Variants in DYNC2LI1 observed in about 807,000 individuals in gnomAD.
DYNC2LI1 encodes cytoplasmic dynein 2 light intermediate chain 1.
In DYNC2LI1, 45 loss-of-function variants were observed where a neutral mutation model predicts 51.9. The ratio of observed to expected loss-of-function variants is 0.87; its 90% confidence interval spans 0.68 to 1.11. DYNC2LI1 has a LOEUF of 1.11. Among genes scored for constraint, DYNC2LI1 ranks in the 50% most tolerant of loss-of-function variants. DYNC2LI1 has a pLI of 0.00. For missense variants in DYNC2LI1, 490 were observed against 417.4 expected (o/e 1.17, Z -1.51); for synonymous variants, 130 against 137.8 (o/e 0.94, Z 0.40).
At chr2:43,828,042 C>T in the DYNC2LI1 span, 3 of 1,613,982 alleles carry the variant, frequency 1.9e-6, no homozygotes, top group Non-Finnish European at 1.7e-6. Flanking sequence ...CGTGGAAATG[C>T]CCCCCAAGCT....
At chr2:43,814,560 T>G (rs892694209), downstream of DYNC2LI1, 28 of 1,605,272 alleles carry the variant, frequency 1.7e-5, no homozygotes, top group Non-Finnish European at 2.4e-5. Context: ...ACTGATGATT[T>G]TAAAAGGAAT....
chr2:43,811,733 T>G (rs1666488716), downstream of DYNC2LI1, among the ~76,000 whole-genome samples: 1 of 152,048 alleles, frequency 6.6e-6, no homozygotes, highest in Non-Finnish European at 1.5e-5. Flanking sequence ...TAGCTGGGAC[T>G]ACAGGCGCCT....
chr2:43,813,991 C>T (rs1558716494), downstream of DYNC2LI1, among the ~76,000 whole-genome samples: 1 of 152,112 alleles, frequency 6.6e-6, no homozygotes, highest in Non-Finnish European at 1.5e-5. Context: ...GCTGGGATTA[C>T]AGGCGTGAGC....
At chr2:43,799,434 C>T (rs1666001372) in intron 8 of DYNC2LI1, among the ~76,000 whole-genome samples, 1 of 152,162 alleles carries the variant, frequency 6.6e-6, no homozygotes, top group East Asian at 1.9e-4. Context: ...AGAATATCAC[C>T]TAAAATGTGA....
At chr2:43,822,478 G>GCTCC in the DYNC2LI1 span, 1 of 432,260 alleles carries the variant, frequency 2.3e-6, no homozygotes, top group African/African-American at 2.2e-5. Context: ...CCTCCCCCAG[G>GCTCC]CCCCCCCCCA....
Position 43,804,753 on chromosome 2 carries a change from A to AT in DYNC2LI1, c.900+21dup. ...TTTCCACCAAAGGTACATATTTCTA[A>AT]TTTTTTTAAAAGCAAGACTTTTAGC... is the stretch of plus-strand genomic sequence containing the variant. On this transcript the variant is annotated intron_variant, in intron 11 of 12. Transcript: ENST00000260605. 2 of 1,563,544 alleles carry AT rather than the reference A, an allele frequency of 1.3e-6. No individual in the cohort carries two copies. The highest frequency in any genetic ancestry group is 1.7e-6 in the Non-Finnish European group (2 of 1,149,476).
At chr2:43,822,470 TCCCCCAG>T in the DYNC2LI1 span, 14 of 354,556 alleles carry the variant, frequency 3.9e-5, no homozygotes, top group South Asian at 1.4e-4. Flanking sequence ...CTTTCTCCCC[TCCCCCAG>T]GCCCCCCCCC....
At chr2:43,817,728 G>A in the DYNC2LI1 span, among the ~76,000 whole-genome samples, 2,360 of 152,108 alleles carry the variant, frequency 0.016, 62 homozygotes, top group African/African-American at 0.053. Context: ...TGGCCAAAAT[G>A]GTGAAACCAC....
chr2:43,825,162 A>T, the DYNC2LI1 span: 2 of 991,136 alleles, frequency 2.0e-6, no homozygotes, highest in South Asian at 2.8e-5. Flanking sequence ...TCCCATAAGC[A>T]GTCAGTCCTT....
intron 9 of DYNC2LI1, 37 bp from the exon 10 acceptor site, chr2:43,801,602 G>A: frequency 6.5e-7 from 1 of 1,529,846 alleles, no homozygotes; most frequent in Non-Finnish European, 9.0e-7. Flanking sequence ...AAATCTAATT[G>A]CTAAACTAAT....
At chr2:43,811,792 C>T (rs1666490636), downstream of DYNC2LI1, among the ~76,000 whole-genome samples, 2 of 152,238 alleles carry the variant, frequency 1.3e-5, no homozygotes, top group East Asian at 3.9e-4. Context: ...GACGGGGTTT[C>T]ACCATGTTGG....
chr2:43,777,157 G>A (rs1212083675), intron 2 of DYNC2LI1, among the ~76,000 whole-genome samples: 2 of 152,098 alleles, frequency 1.3e-5, no homozygotes, highest in Non-Finnish European at 2.9e-5. Flanking sequence ...GAGTGTAAAA[G>A]CTAGGATTCA....
intron 1 of DYNC2LI1, chr2:43,775,583 G>A (rs1672973910): frequency 1.7e-5 from 4 of 237,884 alleles, no homozygotes; most frequent in South Asian, 4.1e-5. Context: ...CTGCAGCCTC[G>A]ACCTCCAGGG....
intron 7 of DYNC2LI1, among the ~76,000 whole-genome samples, chr2:43,796,209 A>G (rs545352919): frequency 1.3e-5 from 2 of 152,156 alleles, no homozygotes; most frequent in East Asian, 3.9e-4. Flanking sequence ...GGCTTATGCC[A>G]GTAGTCCCAG....
chr2:43,774,210 C>T, intron 1 of DYNC2LI1, 64 bp downstream of exon 1: 2 of 1,600,168 alleles, frequency 1.2e-6, no homozygotes, highest in Non-Finnish European at 1.7e-6. Flanking sequence ...AGAGGAAGCC[C>T]AGGCGGGACC....
rs1383003997 is a variant in DYNC2LI1 at position 43,794,659 on chromosome 2, G to C, written c.507+16G>C. On this transcript the variant is annotated intron_variant, in intron 6 of 12. Transcript: ENST00000260605. ...GGATCATCCTGTGAGTTGCTGTTTG[G>C]GATTATTACTGGAATCCTTAGTCCC... 3 of 1,613,794 alleles carry C rather than the reference G, an allele frequency of 1.9e-6. No homozygotes were observed. The African/African-American group carries it at 4.0e-5, about 22-fold the overall frequency.
chr2:43,814,814 CAT>C (rs1032270921), downstream of DYNC2LI1, among the ~76,000 whole-genome samples: 18 of 152,274 alleles, frequency 1.2e-4, no homozygotes, highest in African/African-American at 3.1e-4. Context: ...ATATATATAA[CAT>C]GTGTGTTTAA....
At chr2:43,787,277 T>C (rs745554532) in intron 4 of DYNC2LI1, 27 bp downstream of exon 4, 2 of 1,564,074 alleles carry the variant, frequency 1.3e-6, no homozygotes, top group South Asian at 1.1e-5. Context: ...GTGACATTGC[T>C]ATGCCCATAG....
chr2:43,808,132 C>T (rs1267652644), intron 12 of DYNC2LI1, among the ~76,000 whole-genome samples: 1 of 151,988 alleles, frequency 6.6e-6, no homozygotes, highest in African/African-American at 2.4e-5. Flanking sequence ...ATGAGTTAAT[C>T]TTTAAAACCG....
Sources: gnomAD v4.1 joint callset for allele counts (sites outside exome capture counted in the v4.1 genomes callset) on GRCh38, gnomAD v4.1.1 for gene constraint, MANE v1.5 for transcripts, NCBI Gene and HGNC (gene_info 2026-07-23, HGNC 2026-07-21) for gene names.